The following CNTN4 variants were observed in gnomAD, a reference collection of about 807,000 sequenced individuals.
CNTN4 encodes contactin 4.
A neutral mutation model predicts 122.5 loss-of-function variants in CNTN4; 77 were observed. That is an observed-to-expected ratio of 0.63 (90% CI 0.52 to 0.76). The LOEUF (loss-of-function observed/expected upper bound fraction) is 0.76. Ranked by LOEUF, CNTN4 falls within the 30% of genes least tolerant of loss-of-function variation. The pLI is 0.00. For missense variants in CNTN4, 1,256 were observed against 1,259.1 expected (o/e 1.00, Z 0.04); for synonymous variants, 512 against 447.0 (o/e 1.15, Z -1.83).
intron 2 of CNTN4, among the ~76,000 whole-genome samples, chr3:2,224,383 A>G: frequency 6.6e-6 from 1 of 152,152 alleles, no homozygotes; most frequent in East Asian, 1.9e-4. Context: ...AATAGTCCAC[A>G]TGTGTTGTTG....
At chr3:2,419,039 T>A (rs2151092401) in intron 3 of CNTN4, among the ~76,000 whole-genome samples, 1 of 152,326 alleles carries the variant, frequency 6.6e-6, no homozygotes, top group Non-Finnish European at 1.5e-5. Context: ...GCTCCAGGGT[T>A]CATGAGTAAG....
At chr3:2,485,227 G>T (rs1043142991) in intron 3 of CNTN4, among the ~76,000 whole-genome samples, 1 of 152,188 alleles carries the variant, frequency 6.6e-6, no homozygotes, top group South Asian at 2.1e-4. Context: ...CGGAGCCTCC[G>T]CAGACAGCAC....
chr3:2,782,483 GTGTGTGT>G (rs2091639758), intron 6 of CNTN4, among the ~76,000 whole-genome samples: 1 of 150,206 alleles, frequency 6.7e-6, no homozygotes, highest in Non-Finnish European at 1.5e-5. Context: ...GTGTGTGTGT[GTGTGTGT>G]GTGTGTGTGT....
chr3:2,924,575 T>C (rs1234068361), intron 12 of CNTN4, among the ~76,000 whole-genome samples: 1 of 152,198 alleles, frequency 6.6e-6, no homozygotes, highest in Non-Finnish European at 1.5e-5. Flanking sequence ...TATTTTACTT[T>C]TGTGCGAATA....
intron 4 of CNTN4, among the ~76,000 whole-genome samples, chr3:2,614,983 A>T (rs946737419): frequency 1.3e-5 from 2 of 152,162 alleles, no homozygotes; most frequent in African/African-American, 4.8e-5. Flanking sequence ...AAATTTGTTG[A>T]CAACACAATT....
intron 4 of CNTN4, among the ~76,000 whole-genome samples, chr3:2,687,672 C>T (rs1413362113): frequency 6.6e-6 from 1 of 152,158 alleles, no homozygotes; most frequent in East Asian, 1.9e-4. Context: ...CAATAGTAAA[C>T]ATATATCTAT....
At chr3:2,178,605 G>A (rs1575012440) in intron 2 of CNTN4, among the ~76,000 whole-genome samples, 1 of 152,200 alleles carries the variant, frequency 6.6e-6, no homozygotes, top group East Asian at 1.9e-4. Flanking sequence ...AATAGTATGT[G>A]AAGAAACTAG....
intron 6 of CNTN4, among the ~76,000 whole-genome samples, chr3:2,751,736 C>T (rs551866358): frequency 1.3e-5 from 2 of 152,138 alleles, no homozygotes; most frequent in South Asian, 2.1e-4. Context: ...TCTTTGTGCA[C>T]AGTCACTCAA....
Position 3,051,104 on chromosome 3 carries a change from ATG to A in CNTN4, c.2812-2698_2812-2697del, listed in dbSNP as rs1307777276. ...GCTATCATTAGTGTTAGTGTATTTT[ATG>A]TGTGGCCCAAGACAATTTTTCTTCT... On this transcript the variant is annotated intron_variant, in intron 23 of 24. Coordinates refer to ENST00000418658, the MANE Select transcript of CNTN4 (RefSeq NM_175607.3). Among the ~76,000 whole-genome samples, 3 of 152,178 alleles carry A rather than the reference ATG, an allele frequency of 2.0e-5. 1 individual carries two copies. Among genetic ancestry groups the A allele is most frequent in the Admixed American group, 6.5e-5 (1 of 15,280 alleles).
chr3:3,042,937 T>C (rs376204024), intron 21 of CNTN4, 40 bp from the exon 22 acceptor site: 16 of 1,534,516 alleles, frequency 1.0e-5, no homozygotes, highest in Non-Finnish European at 1.3e-5. Flanking sequence ...AATATCCCCA[T>C]TGGGTATGGT....
At chr3:2,665,545 T>A (rs1290161344) in intron 4 of CNTN4, among the ~76,000 whole-genome samples, 1 of 152,178 alleles carries the variant, frequency 6.6e-6, no homozygotes, top group Admixed American at 6.5e-5. Flanking sequence ...AAGTTGAGCC[T>A]CTTTGTGAAC....
intron 4 of CNTN4, among the ~76,000 whole-genome samples, chr3:2,680,039 T>C (rs144688932): frequency 6.6e-6 from 1 of 152,252 alleles, no homozygotes; most frequent in Non-Finnish European, 1.5e-5. Flanking sequence ...AAGTATTAAA[T>C]GTTCATTACG....
At chr3:2,413,837 G>A (rs189029438) in intron 3 of CNTN4, among the ~76,000 whole-genome samples, 86 of 152,216 alleles carry the variant, frequency 5.6e-4, no homozygotes, top group African/African-American at 2.0e-3. Context: ...CACTGCGCCC[G>A]GCCCATGATT....
At chr3:2,437,921 A>G (rs1467068950) in intron 3 of CNTN4, among the ~76,000 whole-genome samples, 3 of 152,090 alleles carry the variant, frequency 2.0e-5, no homozygotes, top group Non-Finnish European at 4.4e-5. Flanking sequence ...TCAGCATTCA[A>G]TGGGGTCTTT....
chr3:2,995,677 T>A (rs929079736), intron 14 of CNTN4, among the ~76,000 whole-genome samples: 9 of 152,208 alleles, frequency 5.9e-5, no homozygotes, highest in Non-Finnish European at 1.0e-4. Flanking sequence ...AAAGGCAATG[T>A]AAGCATCTGT....
chr3:2,413,550 C>CTTT (rs573989340), intron 3 of CNTN4, among the ~76,000 whole-genome samples: 1 of 146,364 alleles, frequency 6.8e-6, no homozygotes, highest in African/African-American at 2.5e-5. Flanking sequence ...ACCATGATTT[C>CTTT]TTTTTTTTTT....
intron 2 of CNTN4, among the ~76,000 whole-genome samples, chr3:2,235,805 C>T (rs1315887379): frequency 6.6e-6 from 1 of 152,016 alleles, no homozygotes; most frequent in African/African-American, 2.4e-5. Context: ...TTTATTGTTA[C>T]AATACATCCA....
intron 2 of CNTN4, among the ~76,000 whole-genome samples, chr3:2,203,141 C>T (rs1339860578): frequency 6.6e-6 from 1 of 151,912 alleles, no homozygotes; most frequent in Non-Finnish European, 1.5e-5. Flanking sequence ...GCCACAATTA[C>T]AATTTAATAT....
chr3:2,806,758 G>T (rs191164733), intron 6 of CNTN4, among the ~76,000 whole-genome samples: 1 of 152,110 alleles, frequency 6.6e-6, no homozygotes, highest in Non-Finnish European at 1.5e-5. Flanking sequence ...ACTAAATCAG[G>T]ACTGCTGTGT....
Sources: allele counts gnomAD v4.1 joint callset (sites outside exome capture counted in the v4.1 genomes callset), GRCh38; gene constraint gnomAD v4.1.1; transcripts MANE v1.5; gene names NCBI Gene and HGNC (gene_info 2026-07-23, HGNC 2026-07-21).